STIM1: variants seen among roughly 807,000 people sequenced by gnomAD.
STIM1 encodes stromal interaction molecule 1.
Under a neutral mutation model 74.7 loss-of-function variants are expected in STIM1, and 25 were observed. The observed-to-expected ratio is 0.33, with a 90% CI of 0.24 to 0.47. STIM1 has a LOEUF of 0.47. Ranked by LOEUF, STIM1 falls within the 20% of genes least tolerant of loss-of-function variation. The probability of loss-of-function intolerance (pLI) is 1.00; values close to 1 mark genes in which losing one functional copy is unlikely to be tolerated. For synonymous variants in STIM1, 328 were observed against 348.8 expected (o/e 0.94, Z 0.66); for missense variants, 728 against 920.8 (o/e 0.79, Z 2.71).
intron 3 of STIM1, among the ~76,000 whole-genome samples, chr11:4,025,892 A>G (rs1311500232): frequency 2.0e-5 from 3 of 152,224 alleles, no homozygotes; most frequent in Non-Finnish European, 4.4e-5. Context: ...GGAGAAAAGC[A>G]TTTCAATGCA....
At chr11:3,892,962 G>A in intron 1 of STIM1, 1 of 892,464 alleles carries the variant, frequency 1.1e-6, no homozygotes, top group Non-Finnish European at 1.7e-6. Context: ...TAGAGATGGG[G>A]TTTTGCCATG....
intron 1 of STIM1, among the ~76,000 whole-genome samples, chr11:3,945,348 G>A (rs997205261): frequency 2.6e-5 from 4 of 152,026 alleles, no homozygotes; most frequent in Admixed American, 1.3e-4. Context: ...AGGCTGAGGC[G>A]GGTGGATCAC....
At chr11:4,012,663 T>C (rs1439324858) in intron 2 of STIM1, among the ~76,000 whole-genome samples, 1 of 152,246 alleles carries the variant, frequency 6.6e-6, no homozygotes, top group African/African-American at 2.4e-5. Context: ...AATCATGTCA[T>C]CTGCAAACAG....
At chr11:3,879,028 T>G (rs2091403352) in intron 1 of STIM1, among the ~76,000 whole-genome samples, 1 of 152,146 alleles carries the variant, frequency 6.6e-6, no homozygotes, top group Non-Finnish European at 1.5e-5. Context: ...TGATCTTGGC[T>G]CACTGCAACC....
At chr11:3,916,712 A>G (rs1404696616) in intron 1 of STIM1, among the ~76,000 whole-genome samples, 1 of 152,050 alleles carries the variant, frequency 6.6e-6, no homozygotes, top group Non-Finnish European at 1.5e-5. Flanking sequence ...TCAGCCTCCC[A>G]AAGTGCTGGG....
intron 2 of STIM1, among the ~76,000 whole-genome samples, chr11:3,984,075 A>G (rs1336595839): frequency 6.6e-6 from 1 of 152,114 alleles, no homozygotes; most frequent in Non-Finnish European, 1.5e-5. Flanking sequence ...TATGTTGGTC[A>G]GGCTGATCTC....
At chr11:4,047,343 C>T (rs974928481) in intron 3 of STIM1, among the ~76,000 whole-genome samples, 1 of 152,020 alleles carries the variant, frequency 6.6e-6, no homozygotes, top group Non-Finnish European at 1.5e-5. Flanking sequence ...TGACCAGGCA[C>T]AGTAGCTCAC....
At chr11:3,858,398 T>C (rs1434517472) in intron 1 of STIM1, among the ~76,000 whole-genome samples, 1 of 152,198 alleles carries the variant, frequency 6.6e-6, no homozygotes, top group African/African-American at 2.4e-5. Flanking sequence ...ATGCTCAGTT[T>C]AGAAACTGGT....
chr11:4,047,161 G>A (rs1169526427), intron 3 of STIM1, among the ~76,000 whole-genome samples: 7 of 152,090 alleles, frequency 4.6e-5, no homozygotes, highest in Non-Finnish European at 8.8e-5. Flanking sequence ...GACACATTCC[G>A]TGCCTTCAAT....
At chr11:3,907,484 A>G (rs933458653) in intron 1 of STIM1, among the ~76,000 whole-genome samples, 2 of 152,190 alleles carry the variant, frequency 1.3e-5, no homozygotes, top group African/African-American at 4.8e-5. Context: ...CAACATTCAG[A>G]TACTTTTCAT....
chr11:3,871,260 A>G (rs1276858144), intron 1 of STIM1, among the ~76,000 whole-genome samples: 1 of 152,194 alleles, frequency 6.6e-6, no homozygotes, highest in Non-Finnish European at 1.5e-5. Context: ...AAGTGGAGGC[A>G]AAGTGATAGC....
At chr11:3,873,773 G>C (rs1011534589) in intron 1 of STIM1, among the ~76,000 whole-genome samples, 3 of 152,104 alleles carry the variant, frequency 2.0e-5, no homozygotes, top group Admixed American at 2.0e-4. Flanking sequence ...ACACCTAACT[G>C]CTCCTCCTGA....
chr11:3,890,108 TGA>T (rs2091849996), intron 1 of STIM1, among the ~76,000 whole-genome samples: 1 of 152,196 alleles, frequency 6.6e-6, no homozygotes, highest in African/African-American at 2.4e-5. Flanking sequence ...GCTTACTCCT[TGA>T]GACTAGATAT....
rs1314401465 is a variant in STIM1, at chr11:4,092,901, A to G, written c.*1103A>G. On this transcript the variant is annotated 3_prime_UTR_variant, in exon 13 of 13. Transcript: ENST00000526596. Reference sequence around the variant, plus strand: ...CAACCAGTTTGGGGAAGGGGTGGCTAAGGAAGATGGTATAGGTGAAGGCGG... The same window carrying G: ...CAACCAGTTTGGGGAAGGGGTGGCTGAGGAAGATGGTATAGGTGAAGGCGG... 6.6e-6 allele frequency: 1 copy of G among 152,424 alleles called. No homozygotes were observed. The highest frequency in any genetic ancestry group is 2.4e-5 in the African/African-American group (1 of 41,578). The allele number at this position is 152,424 out of a possible 1,614,324, so 9.4% of individuals were successfully genotyped here. A position where few individuals can be genotyped will look rare whatever the true frequency, so the allele number is the denominator to read the frequency against.
At chr11:3,869,709 C>T (rs1455764538) in intron 1 of STIM1, among the ~76,000 whole-genome samples, 1 of 152,278 alleles carries the variant, frequency 6.6e-6, no homozygotes, top group East Asian at 1.9e-4. Context: ...AGTCCTTGCA[C>T]GTTTTGACAA....
At chr11:4,088,542 G>C (rs2094505898) in intron 12 of STIM1, 1 of 654,358 alleles carries the variant, frequency 1.5e-6, no homozygotes, top group African/African-American at 1.8e-5. Flanking sequence ...GCTCCTTCCA[G>C]TACAGATGGA....
intron 2 of STIM1, 83 bp from the exon 3 acceptor site, chr11:4,023,788 TAG>T: frequency 1.1e-6 from 1 of 919,802 alleles, no homozygotes; most frequent in Non-Finnish European, 1.8e-6. Context: ...GTGTTATGGC[TAG>T]CTAGAGGCAG....
chr11:3,961,625 C>G (rs1386686646), intron 1 of STIM1: 1 of 152,094 alleles, frequency 6.6e-6, no homozygotes, highest in Non-Finnish European at 1.5e-5. Context: ...TATCCTGCCT[C>G]AGTCTCCTGA....
chr11:4,051,098 A>T (rs1366930489), intron 3 of STIM1, among the ~76,000 whole-genome samples: 1 of 152,134 alleles, frequency 6.6e-6, no homozygotes, highest in African/African-American at 2.4e-5. Context: ...TATTGAAAAA[A>T]AAATCCATGT....
Sources: allele counts gnomAD v4.1 joint callset (sites outside exome capture counted in the v4.1 genomes callset), GRCh38; gene constraint gnomAD v4.1.1; transcripts MANE v1.5; gene names NCBI Gene and HGNC (gene_info 2026-07-23, HGNC 2026-07-21).